Variants in TAS2R1 observed in about 807,000 individuals in gnomAD.
The protein encoded by TAS2R1 is taste 2 receptor member 1, also known as taste receptor type 2 member 1.
For missense variants in TAS2R1, 370 were observed against 353.4 expected (o/e 1.05, Z -0.38); for synonymous variants, 141 against 134.2 (o/e 1.05, Z -0.35).
the TAS2R1 span, among the ~76,000 whole-genome samples, chr5:9,725,761 G>A: frequency 4.6e-5 from 7 of 152,352 alleles, no homozygotes; most frequent in South Asian, 2.1e-4. Flanking sequence ...GCTCCAGTGC[G>A]GGATCCACTG....
At chr5:9,715,771 TCTC>T (rs1168431508), upstream of TAS2R1, among the ~76,000 whole-genome samples, 1 of 152,096 alleles carries the variant, frequency 6.6e-6, no homozygotes, top group Non-Finnish European at 1.5e-5. Flanking sequence ...TGACAGTGAA[TCTC>T]CTCTTACAAA....
the TAS2R1 span, among the ~76,000 whole-genome samples, chr5:9,772,511 C>T: frequency 6.6e-6 from 1 of 152,082 alleles, no homozygotes; most frequent in African/African-American, 2.4e-5. Context: ...TAAATGTCTA[C>T]TAGGTTCATT....
chr5:9,849,693 G>A, the TAS2R1 span, among the ~76,000 whole-genome samples: 1 of 152,140 alleles, frequency 6.6e-6, no homozygotes, highest in Non-Finnish European at 1.5e-5. Context: ...TCACCTCCTA[G>A]GTGGAGAGGC....
chr5:9,733,712 T>C, the TAS2R1 span, among the ~76,000 whole-genome samples: 2 of 152,190 alleles, frequency 1.3e-5, no homozygotes, highest in Non-Finnish European at 2.9e-5. Flanking sequence ...CAGCAATTTG[T>C]TATGCGTGAG....
At chr5:9,780,690 T>TGTGTGTGTGTGC in the TAS2R1 span, among the ~76,000 whole-genome samples, 1 of 151,888 alleles carries the variant, frequency 6.6e-6, no homozygotes, top group East Asian at 2.0e-4. Flanking sequence ...TGTGTGTGTG[T>TGTGTGTGTGTGC]GCGCGCGCGC....
chr5:9,763,374 G>A, the TAS2R1 span, among the ~76,000 whole-genome samples: 3 of 151,966 alleles, frequency 2.0e-5, no homozygotes, highest in Non-Finnish European at 4.4e-5. Flanking sequence ...ATAGTGGTGC[G>A]CGCCTGTAGT....
chr5:9,629,018 T>C lies in TAS2R1; in HGVS notation c.*115A>G. ...ATACCTCAGGCTGGATAAACAGGCC[T>C]GAAGGGGACATGTTGTATATTTATG... On this transcript the variant is annotated 3_prime_UTR_variant, in exon 1 of 1. Transcript: ENST00000382492. 8.8e-7 allele frequency: 1 copy of C among 1,140,794 alleles called. No individual in the cohort carries two copies. Among genetic ancestry groups the C allele is most frequent in the Non-Finnish European group, 1.2e-6 (1 of 829,492 alleles). The allele number at this position is 1,140,794 out of a possible 1,614,324, so 70.7% of individuals were successfully genotyped here.
chr5:9,629,455 G>T lies in TAS2R1; in HGVS notation c.578C>A (p.Ala193Asp), dbSNP rs185412063. The change falls in exon 1 of 1, where the codon GCT (alanine) becomes GAT (aspartate). Residue 193 changes from alanine to aspartate, a missense_variant. By Grantham distance (126) the Ala-to-Asp change is moderately radical. Transcript: ENST00000382492. ...FSVPLLIFLFAVLLLIFSLGR... is the reference protein window; with the variant it reads ...FSVPLLIFLFDVLLLIFSLGR... ...CAGAGAGAAAATCAAGAGCAAAACA[G>T]CAAAAAGGAAGATAAGCAATGGCAC... The T allele has an allele frequency of 8.9e-5, 143 of 1,614,056 alleles. No homozygotes were observed. Among genetic ancestry groups the T allele is most frequent in the Admixed American group, 3.8e-4 (23 of 59,992 alleles).
chr5:9,780,880 C>T, the TAS2R1 span, among the ~76,000 whole-genome samples: 64 of 152,296 alleles, frequency 4.2e-4, no homozygotes, highest in African/African-American at 1.4e-3. Flanking sequence ...GTCTTAAGAG[C>T]GAAAACTGAG....
chr5:9,665,027 C>T (rs771791963), intron 1 of TAS2R1, among the ~76,000 whole-genome samples: 1 of 152,180 alleles, frequency 6.6e-6, no homozygotes, highest in Non-Finnish European at 1.5e-5. Context: ...ATAGTTCTGC[C>T]AGTCAGGAGT....
chr5:9,868,523 G>C, the TAS2R1 span, among the ~76,000 whole-genome samples: 3,270 of 152,276 alleles, frequency 0.021, 110 homozygotes, highest in African/African-American at 0.073. Flanking sequence ...CAGCAGGGGG[G>C]CCCTGGGCCT....
At chr5:9,803,874 T>C in the TAS2R1 span, among the ~76,000 whole-genome samples, 1 of 152,172 alleles carries the variant, frequency 6.6e-6, no homozygotes, top group Non-Finnish European at 1.5e-5. Flanking sequence ...ATGAGTAGAA[T>C]AGTACCTCAT....
intron 2 of TAS2R1, among the ~76,000 whole-genome samples, chr5:9,643,585 T>C (rs1208889235): frequency 1.3e-5 from 2 of 152,152 alleles, no homozygotes; most frequent in African/African-American, 4.8e-5. Context: ...TACTCTAAAT[T>C]CATAAAAAAT....
chr5:9,808,659 A>C, the TAS2R1 span, among the ~76,000 whole-genome samples: 1 of 152,218 alleles, frequency 6.6e-6, no homozygotes, highest in Admixed American at 6.5e-5. Context: ...TATGAAAAGA[A>C]ACAGAGAAAA....
chr5:9,656,254 A>G (rs1740416839), intron 2 of TAS2R1, among the ~76,000 whole-genome samples: 1 of 152,228 alleles, frequency 6.6e-6, no homozygotes, highest in Non-Finnish European at 1.5e-5. Context: ...AGTATCAGCA[A>G]GATTTAAGTT....
chr5:9,835,466 A>G, the TAS2R1 span, among the ~76,000 whole-genome samples: 1 of 152,258 alleles, frequency 6.6e-6, no homozygotes, highest in East Asian at 1.9e-4. Context: ...CAATAAGAAC[A>G]GAGAACACAG....
chr5:9,816,339 G>C, the TAS2R1 span, among the ~76,000 whole-genome samples: 3 of 151,924 alleles, frequency 2.0e-5, no homozygotes, highest in African/African-American at 7.3e-5. Flanking sequence ...ATAATCAATC[G>C]CAATTGATTA....
intron 1 of TAS2R1, among the ~76,000 whole-genome samples, chr5:9,703,891 T>C (rs1340470816): frequency 6.6e-6 from 1 of 152,234 alleles, no homozygotes; most frequent in African/African-American, 2.4e-5. Flanking sequence ...TGCATACTCA[T>C]AGAACACCTA....
intron 1 of TAS2R1, among the ~76,000 whole-genome samples, chr5:9,684,791 T>C (rs1226291362): frequency 1.3e-5 from 2 of 152,194 alleles, no homozygotes. Flanking sequence ...TTACACATAG[T>C]ATACATGTAT....
Sources: allele counts gnomAD v4.1 joint callset (sites outside exome capture counted in the v4.1 genomes callset), GRCh38; gene constraint gnomAD v4.1.1; transcripts MANE v1.5; gene names NCBI Gene and HGNC (gene_info 2026-07-23, HGNC 2026-07-21).